SRC: variants seen among roughly 807,000 people sequenced by gnomAD.
The protein encoded by SRC is proto-oncogene tyrosine-protein kinase Src.
A neutral mutation model predicts 62.9 loss-of-function variants in SRC; 13 were observed. The observed-to-expected ratio is 0.21, with a 90% confidence interval of 0.13 to 0.33. The LOEUF (loss-of-function observed/expected upper bound fraction) is 0.33. Ranked by LOEUF, SRC falls within the 10% of genes least tolerant of loss-of-function variation. The probability of loss-of-function intolerance (pLI) is 1.00; values close to 1 mark genes in which losing one functional copy is unlikely to be tolerated. For missense variants in SRC, 457 were observed against 737.3 expected, an observed-to-expected ratio of 0.62 and a Z score of 4.40; for synonymous variants, 302 against 317.5, an observed-to-expected ratio of 0.95 and a Z score of 0.52.
Position 37,403,278 on chromosome 20 carries a change from A to G in SRC, c.1510A>G (p.Lys504Glu). The G allele has an allele frequency of 6.3e-7, 1 of 1,599,564 alleles. No homozygotes were observed. The highest frequency in any genetic ancestry group is 1.3e-5 in the African/African-American group (1 of 74,770). Residue 504 changes from lysine (K) to glutamate (E), a missense_variant, in exon 14 of 14, where the codon AAG becomes GAG. By Grantham distance (56) the Lys-to-Glu change is moderately conservative. Transcript: ENST00000373578. The surrounding 1 kb of genome is among the most constrained non-coding windows in gnomAD (Gnocchi z 7.1). ...CGACCTCATGTGCCAGTGCTGGCGG[A>G]AGGAGCCTGAGGAGCGGCCCACCTT... ...LHDLMCQCWR[K>E]EPEERPTFEY...
At chr20:37,362,659 T>G (rs981002324) in intron 1 of SRC, among the ~76,000 whole-genome samples, 9 of 145,788 alleles carry the variant, frequency 6.2e-5, no homozygotes, top group African/African-American at 2.2e-4. Flanking sequence ...TGTGACCCCC[T>G]GGCCTTGTGA....
At chr20:37,367,095 A>AT (rs770197409) in intron 2 of SRC, among the ~76,000 whole-genome samples, 1,940 of 125,358 alleles carry the variant, frequency 0.015, 18 homozygotes, top group East Asian at 0.041. Flanking sequence ...TGTGGTTTTG[A>AT]TTTTTTTTTT....
chr20:37,361,925 A>G (rs148771871), intron 1 of SRC, among the ~76,000 whole-genome samples: 93 of 148,038 alleles, frequency 6.3e-4, no homozygotes, highest in African/African-American at 2.0e-3. Flanking sequence ...CTCTGTGTGC[A>G]GGTAGAGATG....
At chr20:37,383,839 C>T in intron 3 of SRC, 1 of 332,938 alleles carries the variant, frequency 3.0e-6, no homozygotes. Flanking sequence ...TCAAGCGATT[C>T]TCCTGCCTCA....
chr20:37,345,271 C>A (rs2069701197), upstream of SRC, among the ~76,000 whole-genome samples: 1 of 152,128 alleles, frequency 6.6e-6, no homozygotes, highest in East Asian at 1.9e-4. Flanking sequence ...AAAAGGATAG[C>A]CCTGGAGCCT....
Position 37,361,037 on chromosome 20 carries a change from G to C in SRC, c.-246-4167G>C, listed in dbSNP as rs555409410. 6.6e-5 allele frequency among the ~76,000 whole-genome samples: 10 copies of C among 152,150 alleles called. No individual in the cohort carries two copies. In the East Asian group the frequency reaches 1.2e-3, roughly 18 times the overall value. Reference sequence around the variant, plus strand: ...GGTGGCGGTCCCTCTCTCAGCTTGTGGGGGGGCAGGCAAGGTCAGGTACTG... The same window carrying C: ...GGTGGCGGTCCCTCTCTCAGCTTGTCGGGGGGCAGGCAAGGTCAGGTACTG... On this transcript the variant is annotated intron_variant, in intron 1 of 13. Transcript: ENST00000373578.
In SRC at chr20:37,382,636, C is replaced by G. The variant is rs1383688427; in HGVS notation, c.-155C>G. The G allele has an allele frequency of 6.6e-6, 1 of 152,260 alleles. No individual in the cohort carries two copies. The highest frequency in any genetic ancestry group is 1.5e-5 in the Non-Finnish European group (1 of 68,066). 9.4% of individuals were successfully genotyped at this position (152,260 alleles called of 1,614,324 possible). Reference sequence around the variant, plus strand: ...CTTTGCAGATGAGGACGCTGAGGCCCAGAGAGGGAAAGCCACTTGCCTAGG... The same window carrying G: ...CTTTGCAGATGAGGACGCTGAGGCCGAGAGAGGGAAAGCCACTTGCCTAGG... On this transcript the variant is annotated 5_prime_UTR_variant, in exon 3 of 14. Coordinates refer to ENST00000373578, the MANE Select transcript of SRC (RefSeq NM_198291.3).
chr20:37,366,017 G>T (rs955276100), intron 2 of SRC, among the ~76,000 whole-genome samples: 1 of 152,034 alleles, frequency 6.6e-6, no homozygotes, highest in African/African-American at 2.4e-5. Flanking sequence ...TCATGGTTGC[G>T]TAGTATTCCA....
Position 37,346,570 on chromosome 20 carries a change from GC to G in SRC, c.-247+318del, listed in dbSNP as rs566747798. 9.1e-3 allele frequency among the ~76,000 whole-genome samples: 1,376 copies of G among 151,542 alleles called. 23 individuals carry two copies. Among genetic ancestry groups the G allele is most frequent in the African/African-American group, 0.032 (1,306 of 41,412 alleles). ...TCCCCCAGAGAAGCCAGCGAGCTGGGCCCTAGCCCCCGGGCCAGGTCTAGGC... is the reference window on the plus strand; with the variant it reads ...TCCCCCAGAGAAGCCAGCGAGCTGGGCCTAGCCCCCGGGCCAGGTCTAGGC... On this transcript the variant is annotated intron_variant, in intron 1 of 13. Coordinates refer to ENST00000373578, the MANE Select transcript of SRC (RefSeq NM_198291.3).
chr20:37,348,142 A>G (rs2069750130), intron 1 of SRC, among the ~76,000 whole-genome samples: 1 of 152,172 alleles, frequency 6.6e-6, no homozygotes, highest in African/African-American at 2.4e-5. Flanking sequence ...GGTGCTGCTT[A>G]TCTGCCCTTG....
At chr20:37,346,810 G>A (rs540604861) in intron 1 of SRC, among the ~76,000 whole-genome samples, 1 of 152,342 alleles carries the variant, frequency 6.6e-6, no homozygotes. Flanking sequence ...GCCAGACTGC[G>A]TTTGGTCTCC....
intron 1 of SRC, among the ~76,000 whole-genome samples, chr20:37,346,467 G>T (rs567219629): frequency 2.0e-5 from 3 of 152,004 alleles, no homozygotes; most frequent in Non-Finnish European, 2.9e-5. Flanking sequence ...TGATGCAGCG[G>T]GGGGAGGGGG....
chr20:37,372,852 CTT>C (rs2070188356), intron 2 of SRC, among the ~76,000 whole-genome samples: 1 of 151,128 alleles, frequency 6.6e-6, no homozygotes, highest in Non-Finnish European at 1.5e-5. Context: ...AATTATTTTT[CTT>C]TGTTTGTCCT....
chr20:37,352,548 G>C (rs1547836), intron 1 of SRC, among the ~76,000 whole-genome samples: 32,684 of 152,092 alleles, frequency 0.21, 3,830 homozygotes, highest in Middle Eastern at 0.29. Context: ...GCCTCCCAGT[G>C]CCCCGATGCC....
chr20:37,397,616 G>A lies in SRC; in HGVS notation c.704-83G>A. ...GTCCCCTGAAATCTGTGTGCATCTG[G>A]CATGTAGGGCGACACACACTGAGGG... On this transcript the variant is annotated intron_variant, in intron 8 of 13. Transcript: ENST00000373578. The surrounding 1 kb of genome is among the most constrained non-coding windows in gnomAD (Gnocchi z 4.1). 6.9e-7 allele frequency: 1 copy of A among 1,444,846 alleles called. No homozygotes were observed. Among genetic ancestry groups the A allele is most frequent in the Non-Finnish European group, 9.1e-7 (1 of 1,095,868 alleles). The allele number at this position is 1,444,846 out of a possible 1,614,324, so 89.5% of individuals were successfully genotyped here. A position where few individuals can be genotyped will look rare whatever the true frequency, so the allele number is the denominator to read the frequency against.
chr20:37,393,698 G>A (rs1341340645), intron 5 of SRC, 197 bp from the exon 6 acceptor site: 1 of 565,408 alleles, frequency 1.8e-6, no homozygotes, highest in Admixed American at 3.0e-5. Context: ...TGGCAAAAAG[G>A]CGTCTGCGCC....
chr20:37,372,646 A>G (rs1359943036), intron 2 of SRC, among the ~76,000 whole-genome samples: 1 of 152,136 alleles, frequency 6.6e-6, no homozygotes. Flanking sequence ...AAGAACGTGT[A>G]TCTGCTGTTG....
intron 5 of SRC, 127 bp downstream of exon 5, chr20:37,386,301 C>G: frequency 1.0e-6 from 1 of 959,132 alleles, no homozygotes; most frequent in Middle Eastern, 2.1e-4. Context: ...AAGCCCAGGG[C>G]AGTGTGGAGG....
At chr20:37,363,870 G>A (rs1263913633) in intron 1 of SRC, among the ~76,000 whole-genome samples, 1 of 152,180 alleles carries the variant, frequency 6.6e-6, no homozygotes, top group African/African-American at 2.4e-5. Context: ...TAACCTGTCT[G>A]TGCTTCAGTT....
Sources: gnomAD v4.1 joint callset for allele counts (sites outside exome capture counted in the v4.1 genomes callset) on GRCh38, gnomAD v4.1.1 for gene constraint, Gnocchi (gnomAD v3.1) non-coding constraint, MANE v1.5 for transcripts, NCBI Gene and HGNC (gene_info 2026-07-23, HGNC 2026-07-21) for gene names.